The following CA10 variants were observed in gnomAD, a reference collection of about 807,000 sequenced individuals.
CA10 encodes the protein carbonic anhydrase-related protein 10.
A neutral mutation model predicts 44.2 loss-of-function variants in CA10; 14 were observed. The ratio of observed to expected loss-of-function variants is 0.32; its 90% CI spans 0.21 to 0.50. CA10 has a LOEUF of 0.50. CA10 is among the 20% of genes least tolerant of loss of function. The pLI is 0.99. For missense variants in CA10, 350 were observed against 409.7 expected (o/e 0.85, Z 1.26); for synonymous variants, 159 against 141.6 (o/e 1.12, Z -0.87).
At chr17:51,796,435 A>G (rs1906712547) in intron 3 of CA10, among the ~76,000 whole-genome samples, 1 of 152,188 alleles carries the variant, frequency 6.6e-6, no homozygotes, top group Non-Finnish European at 1.5e-5. Flanking sequence ...CACTGTCCTG[A>G]GGCCATTCTA....
intron 4 of CA10, among the ~76,000 whole-genome samples, chr17:51,706,804 C>A (rs886920736): frequency 2.6e-5 from 4 of 152,214 alleles, no homozygotes; most frequent in Non-Finnish European, 4.4e-5. Flanking sequence ...ACCAGGCACA[C>A]TCCTGCCTGA....
intron 3 of CA10, among the ~76,000 whole-genome samples, chr17:51,849,203 ATGTATATATATATATACATATATG>A (rs1187910404): frequency 0.042 from 1,813 of 43,228 alleles, 71 homozygotes; most frequent in African/African-American, 0.18. Flanking sequence ...ATATACATAT[ATGTATATATATATATACATATATG>A]TGTGTGTATA....
At chr17:51,958,584 C>A (rs951108711) in intron 2 of CA10, among the ~76,000 whole-genome samples, 2 of 152,008 alleles carry the variant, frequency 1.3e-5, no homozygotes, top group Non-Finnish European at 2.9e-5. Flanking sequence ...CTCAATATTG[C>A]GGTTCATTAT....
chr17:52,159,353 G>A (rs529517478), upstream of CA10: 7 of 152,502 alleles, frequency 4.6e-5, no homozygotes, highest in Middle Eastern at 6.8e-3. Context: ...TCCCGAAAAG[G>A]GGGAACACCG....
chr17:52,142,087 G>T (rs2143386387), intron 1 of CA10, among the ~76,000 whole-genome samples: 1 of 152,288 alleles, frequency 6.6e-6, no homozygotes, highest in Non-Finnish European at 1.5e-5. Context: ...GTAGGATTCA[G>T]GTGGGTCAAA....
chr17:51,642,501 A>G (rs1913128482), intron 6 of CA10, among the ~76,000 whole-genome samples: 1 of 152,218 alleles, frequency 6.6e-6, no homozygotes, highest in Non-Finnish European at 1.5e-5. Flanking sequence ...AGTTATAAAC[A>G]GGTAAGACTG....
chr17:51,883,529 AGTT>A (rs1980468420), intron 3 of CA10, among the ~76,000 whole-genome samples: 1 of 152,100 alleles, frequency 6.6e-6, no homozygotes. Flanking sequence ...ATGGCCTCCA[AGTT>A]GTTGACTCCG....
intron 3 of CA10, among the ~76,000 whole-genome samples, chr17:51,825,923 T>C (rs982939440): frequency 2.0e-5 from 3 of 152,256 alleles, no homozygotes; most frequent in African/African-American, 7.2e-5. Context: ...CATATGCCCA[T>C]AGCACTTAAT....
chr17:51,660,362 T>A lies in CA10; in HGVS notation c.466-6626A>T, dbSNP rs147785800. Among the ~76,000 whole-genome samples the A allele has an allele frequency of 1.3e-3, 197 of 152,304 alleles. 1 individual carries two copies. The highest frequency in any genetic ancestry group is 4.6e-3 in the African/African-American group (190 of 41,572). ...AATTGAAGTGGAAGCCTGAAAACCA[T>A]TGGCCTTTGGTGACCGGTAACTCAG... On this transcript the variant is annotated intron_variant, in intron 4 of 8. Transcript: ENST00000451037.
intron 1 of CA10, among the ~76,000 whole-genome samples, chr17:52,129,457 G>A (rs567226822): frequency 6.6e-6 from 1 of 152,236 alleles, no homozygotes; most frequent in Non-Finnish European, 1.5e-5. Flanking sequence ...TCCTCGTTAT[G>A]GATATGAGAA....
chr17:51,778,316 G>A (rs1261038699), intron 3 of CA10, among the ~76,000 whole-genome samples: 1 of 152,188 alleles, frequency 6.6e-6, no homozygotes, highest in Non-Finnish European at 1.5e-5. Context: ...AGACTCAACT[G>A]ATGGACTGGA....
At chr17:52,117,837 T>A (rs1376188893) in intron 1 of CA10, among the ~76,000 whole-genome samples, 1 of 152,218 alleles carries the variant, frequency 6.6e-6, no homozygotes, top group Non-Finnish European at 1.5e-5. Context: ...GGCTAAAGAA[T>A]TTTTTAAAAT....
intron 3 of CA10, among the ~76,000 whole-genome samples, chr17:51,875,043 G>A (rs1428655329): frequency 6.7e-6 from 1 of 150,238 alleles, no homozygotes; most frequent in Non-Finnish European, 1.5e-5. Context: ...GTTTGATCAT[G>A]GTTCACTGCA....
chr17:51,770,007 G>A (rs1905537148), intron 3 of CA10, among the ~76,000 whole-genome samples: 1 of 152,054 alleles, frequency 6.6e-6, no homozygotes, highest in Admixed American at 6.5e-5. Context: ...AGGATCTGGT[G>A]TAGAAAGGCT....
chr17:51,868,589 CCA>C (rs1979657566), intron 3 of CA10, among the ~76,000 whole-genome samples: 1 of 152,188 alleles, frequency 6.6e-6, no homozygotes, highest in Non-Finnish European at 1.5e-5. Context: ...TTAATAAACT[CCA>C]CAGAGTTGTG....
intron 4 of CA10, among the ~76,000 whole-genome samples, chr17:51,669,931 G>C (rs530135261): frequency 5.3e-5 from 8 of 152,302 alleles, no homozygotes; most frequent in African/African-American, 1.4e-4. Flanking sequence ...GGAGGAACCT[G>C]GTGGGAGATA....
intron 3 of CA10, among the ~76,000 whole-genome samples, chr17:51,916,871 T>C (rs1406838431): frequency 6.6e-6 from 1 of 152,168 alleles, no homozygotes; most frequent in Non-Finnish European, 1.5e-5. Context: ...GTTGGAATCA[T>C]TCTTCAGGAG....
At chr17:51,983,806 T>C (rs1310513847) in intron 2 of CA10, among the ~76,000 whole-genome samples, 1 of 151,686 alleles carries the variant, frequency 6.6e-6, no homozygotes, top group Non-Finnish European at 1.5e-5. Flanking sequence ...ACTGTCATGA[T>C]TGGAGATAAA....
intron 4 of CA10, among the ~76,000 whole-genome samples, chr17:51,716,445 C>T (rs1176112423): frequency 2.0e-5 from 3 of 151,806 alleles, no homozygotes; most frequent in Admixed American, 6.6e-5. Flanking sequence ...CCTTTTTTGG[C>T]CTCGAAAAAT....
Sources: gnomAD v4.1 joint callset for allele counts (sites outside exome capture counted in the v4.1 genomes callset) on GRCh38, gnomAD v4.1.1 for gene constraint, MANE v1.5 for transcripts, NCBI Gene and HGNC (gene_info 2026-07-23, HGNC 2026-07-21) for gene names.